The following COQ10A variants were observed in gnomAD, a reference collection of about 807,000 sequenced individuals.
COQ10A encodes the protein coenzyme Q-binding protein COQ10 homolog A, mitochondrial.
In COQ10A, 25 loss-of-function variants were observed where a neutral mutation model predicts 26.1. That is an observed-to-expected ratio of 0.96 (90% CI 0.70 to 1.34). COQ10A has a LOEUF of 1.34. COQ10A is among the 40% of genes most tolerant of loss of function. The pLI is 0.00. For missense variants in COQ10A, 312 were observed against 335.4 expected (o/e 0.93, Z 0.54); for synonymous variants, 132 against 124.0 (o/e 1.06, Z -0.43).
Position 56,269,255 on chromosome 12 carries a change from A to G in COQ10A, c.474+4A>G. 1 of 1,612,998 alleles carries G rather than the reference A, an allele frequency of 6.2e-7. No individual in the cohort carries two copies. The highest frequency in any genetic ancestry group is 1.7e-5 in the Admixed American group (1 of 59,968). ...GGTCAAACCTCACATGGTCAAGGTG[A>G]GGCCTGTATGGGAGGGATTGACAAG... On this transcript the variant is annotated splice_donor_region_variant and intron_variant, in intron 3 of 4. Transcript: ENST00000308197.
At chr12:56,267,475 G>A in intron 1 of COQ10A, 1 of 1,612,142 alleles carries the variant, frequency 6.2e-7, no homozygotes, top group East Asian at 2.2e-5. Flanking sequence ...GGCGCCCTGG[G>A]GTCCCCGGGG....
Position 56,269,516 on chromosome 12 carries a change from C to A in COQ10A, c.531C>A (p.Ser177Arg). The A allele has an allele frequency of 6.2e-7, 1 of 1,614,164 alleles. No homozygotes were observed. The highest frequency in any genetic ancestry group is 8.5e-7 in the Non-Finnish European group (1 of 1,179,998). The part of the protein sequence containing the change: ...FNHLETIWRF[S>R]PGIPAYPRTC... The stretch of plus-strand genomic sequence containing the variant: ...ACTTAGAGACTATTTGGCGATTCAG[C>A]CCTGGTATTCCTGCCTATCCTCGAA... Residue 177 changes from serine to arginine, a missense_variant, in exon 4 of 5, where the codon AGC (serine) becomes AGA (arginine). Physicochemically the swap from Ser to Arg is moderately radical, Grantham distance 110 (BLOSUM62 -1). Transcript: ENST00000308197.
intron 4 of COQ10A, chr12:56,269,911 G>C (rs1182196699): frequency 3.6e-6 from 2 of 555,242 alleles, no homozygotes; most frequent in East Asian, 6.3e-5. Flanking sequence ...ACAGGCGTGA[G>C]CCACCGCACC....
intron 4 of COQ10A, 46 bp downstream of exon 4, chr12:56,269,607 G>C (rs1324100913): frequency 7.8e-7 from 1 of 1,279,380 alleles, no homozygotes; most frequent in Non-Finnish European, 1.1e-6. Context: ...TGGGTATGAG[G>C]AAGGGCTGGG....
At chr12:56,269,773 G>A in intron 4 of COQ10A, 1 of 548,484 alleles carries the variant, frequency 1.8e-6, no homozygotes, top group South Asian at 2.0e-5. Context: ...GATTACAGGA[G>A]CCTGCTACCA....
At chr12:56,268,183 G>A in intron 2 of COQ10A, 1 of 531,422 alleles carries the variant, frequency 1.9e-6, no homozygotes, top group Non-Finnish European at 3.3e-6. Context: ...TAAGACAACA[G>A]GGCGTAGCTG....
chr12:56,270,439 T>C lies in COQ10A; in HGVS notation c.*122T>C, dbSNP rs1478647697. ...TGTGTTCATAATACTGTTTCTCCTC[T>C]CAATTTCCCAGAAATTGGGTTCTAT... On this transcript the variant is annotated 3_prime_UTR_variant, in exon 5 of 5. Coordinates refer to ENST00000308197, the MANE Select transcript of COQ10A (RefSeq NM_144576.4). 1.9e-6 allele frequency: 2 copies of C among 1,052,918 alleles called. No homozygotes were observed. The highest frequency in any genetic ancestry group is 2.7e-5 in the Admixed American group (1 of 36,832). 65.2% of individuals were successfully genotyped at this position (1,052,918 alleles called of 1,614,324 possible).
rs767704658 is a variant in COQ10A, at chr12:56,267,946, C to T, written c.281+6C>T. On this transcript the variant is annotated splice_donor_region_variant and intron_variant, in intron 2 of 4. Transcript: ENST00000308197. ...TCGGAGCGTAGAATCATGGGGTAAG[C>T]ATTCTCTGCCTTGCATCCTTGCACC... The T allele has an allele frequency of 1.9e-5, 30 of 1,613,878 alleles. 2 individuals are homozygous for T. The Middle Eastern group carries it at 6.6e-4, about 35-fold the overall frequency.
At chr12:56,268,989 T>C in intron 2 of COQ10A, 70 bp from the exon 3 acceptor site, 4 of 1,299,396 alleles carry the variant, frequency 3.1e-6, no homozygotes, top group Non-Finnish European at 4.4e-6. Flanking sequence ...AGGTATGAAT[T>C]AGGGGCCTAT....
In COQ10A at chr12:56,267,125, T is replaced by C. The variant is rs1175385985; in HGVS notation, c.7T>C (p.Trp3Arg). The change falls in exon 1 of 5, where the codon TGG becomes CGG. Residue 3 changes from tryptophan (W) to arginine (R), a missense_variant. Transcript: ENST00000308197. ...GCCAGGCAGGGTCGCGCGCATGGCC[T>C]GGGCGGGCTCGCGGCGGGTCCCAGC... Reference protein sequence around the residue: MAWAGSRRVPAGT... With the variant: MARAGSRRVPAGT... 2 of 1,297,358 alleles carry C rather than the reference T, an allele frequency of 1.5e-6. No homozygotes were observed. The highest frequency in any genetic ancestry group is 1.9e-6 in the Non-Finnish European group (2 of 1,028,020). 80.4% of individuals were successfully genotyped at this position (1,297,358 alleles called of 1,614,324 possible).
chr12:56,269,626 A>G, intron 4 of COQ10A, 65 bp downstream of exon 4: 1 of 1,116,444 alleles, frequency 9.0e-7, no homozygotes, highest in Non-Finnish European at 1.4e-6. Flanking sequence ...GGGTACTGTG[A>G]CAGGGTTATT....
intron 1 of COQ10A, 169 bp from the exon 2 acceptor site, chr12:56,267,625 G>A: frequency 8.5e-7 from 1 of 1,180,976 alleles, no homozygotes; most frequent in Non-Finnish European, 1.2e-6. Flanking sequence ...TCGACCTTTT[G>A]CACTCGTGAC....
At position 56,266,964 on chromosome 12, in the gene COQ10A, TG is replaced by T; in HGVS notation, c.-153del. 1.4e-6 allele frequency: 1 copy of T among 738,764 alleles called. No individual in the cohort carries two copies. The highest frequency in any genetic ancestry group is 1.8e-6 in the Non-Finnish European group (1 of 550,982). 45.8% of individuals were successfully genotyped at this position (738,764 alleles called of 1,614,324 possible). A position where few individuals can be genotyped will look rare whatever the true frequency, so the allele number is the denominator to read the frequency against. On this transcript the variant is annotated 5_prime_UTR_variant, in exon 1 of 5. Coordinates refer to ENST00000308197, the MANE Select transcript of COQ10A (RefSeq NM_144576.4). Reference sequence around the variant, plus strand: ...TTCAGTTCTAGCCTACCCGGCAGCCTGGACGGGAGCAAGGCGAGAGGTGCTG... The same window carrying T: ...TTCAGTTCTAGCCTACCCGGCAGCCTGACGGGAGCAAGGCGAGAGGTGCTG...
chr12:56,267,908 G>T lies in COQ10A; in HGVS notation c.249G>T (p.Lys83Asn), dbSNP rs1034590984. The T allele has an allele frequency of 1.2e-6, 2 of 1,613,988 alleles. No individual in the cohort carries two copies. The highest frequency in any genetic ancestry group is 1.7e-6 in the Non-Finnish European group (2 of 1,180,032). ...FMGFAAPFTN[K>N]RKAYSERRIM... ...GATTTGCTGCTCCCTTCACCAACAA[G>T]CGAAAGGCTTACTCGGAGCGTAGAA... The change falls in exon 2 of 5, where the codon AAG becomes AAT. Residue 83 changes from lysine (K) to asparagine (N), a missense_variant. Coordinates refer to ENST00000308197, the MANE Select transcript of COQ10A (RefSeq NM_144576.4).
Position 56,270,165 on chromosome 12 carries a change from C to T in COQ10A, c.592C>T (p.Arg198Cys), listed in dbSNP as rs774706307. The T allele has an allele frequency of 5.6e-6, 9 of 1,613,758 alleles. No homozygotes were observed. The East Asian group carries it at 1.1e-4, about 20-fold the overall frequency. ...TVDFSISFEFRSLLHSQLATM... is the reference protein window; with the variant it reads ...TVDFSISFEFCSLLHSQLATM... ...CCATTCCCAGATTTCCTTTGAATTT[C>T]GTTCTCTGCTGCACTCCCAGCTGGC... The change falls in exon 5 of 5, where the codon CGT becomes TGT. Residue 198 changes from arginine to cysteine, a missense_variant. Physicochemically the swap from Arg to Cys is radical, Grantham distance 180 (BLOSUM62 -3). Coordinates refer to ENST00000308197, the MANE Select transcript of COQ10A (RefSeq NM_144576.4).
At chr12:56,269,391 C>A in intron 3 of COQ10A, 69 bp from the exon 4 acceptor site, 2 of 1,461,142 alleles carry the variant, frequency 1.4e-6, no homozygotes, top group Non-Finnish European at 1.9e-6. Flanking sequence ...AGGAAAATGG[C>A]TTTCAATTCC....
chr12:56,269,461 C>T lies in COQ10A; in HGVS notation c.476C>T (p.Ala159Val). The part of the protein sequence containing the change: ...VSMVKPHMVK[A>V]VCTDGKLFNH... Reference sequence around the variant, plus strand: ...AACTACCTGATTACCCTATTCTAGGCTGTTTGTACTGATGGCAAGCTCTTC... The same window carrying T: ...AACTACCTGATTACCCTATTCTAGGTTGTTTGTACTGATGGCAAGCTCTTC... The change falls in exon 4 of 5, where the codon GCT (alanine) becomes GTT (valine). Residue 159 changes from alanine to valine, a missense_variant and splice_region_variant. Coordinates refer to ENST00000308197, the MANE Select transcript of COQ10A (RefSeq NM_144576.4). 1 of 1,612,092 alleles carries T rather than the reference C, an allele frequency of 6.2e-7. No homozygotes were observed. Among genetic ancestry groups the T allele is most frequent in the Non-Finnish European group, 8.5e-7 (1 of 1,178,168 alleles).
rs1378757302 is a variant in COQ10A, at chr12:56,270,762, TCCAG to T, written c.*448_*451del. ...TCCTCAGGAGAAAAGGCAACCTGCC[TCCAG>T]CCTGAAATACATAAAGCCTCATTTT... On this transcript the variant is annotated 3_prime_UTR_variant, in exon 5 of 5. Coordinates refer to ENST00000308197, the MANE Select transcript of COQ10A (RefSeq NM_144576.4). The T allele has an allele frequency of 6.5e-6, 1 of 153,808 alleles. No individual in the cohort carries two copies. Among genetic ancestry groups the T allele is most frequent in the Non-Finnish European group, 1.4e-5 (1 of 69,250 alleles). 9.5% of individuals were successfully genotyped at this position (153,808 alleles called of 1,614,324 possible). A position where few individuals can be genotyped will look rare whatever the true frequency, so the allele number is the denominator to read the frequency against.
chr12:56,267,686 C>G, intron 1 of COQ10A, 108 bp from the exon 2 acceptor site: 1 of 1,489,018 alleles, frequency 6.7e-7, no homozygotes, highest in Non-Finnish European at 9.4e-7. Context: ...GGGGGGAAAG[C>G]TTGTTTGGAC....
Sources: allele counts gnomAD v4.1 joint callset, GRCh38; gene constraint gnomAD v4.1.1; transcripts MANE v1.5; gene names NCBI Gene and HGNC (gene_info 2026-07-23, HGNC 2026-07-21).